CYTH1: variants seen among roughly 807,000 people sequenced by gnomAD.
CYTH1 encodes cytohesin 1.
Under a neutral mutation model 61.8 loss-of-function variants are expected in CYTH1, and 18 were observed. That is an observed-to-expected ratio of 0.29 (90% CI 0.20 to 0.43). The LOEUF is 0.43. CYTH1 is among the 20% of genes least tolerant of loss of function. The probability of loss-of-function intolerance (pLI) is 1.00; values close to 1 mark genes in which losing one functional copy is unlikely to be tolerated. For synonymous variants in CYTH1, 174 were observed against 184.3 expected, an observed-to-expected ratio of 0.94 and a Z score of 0.45; for missense variants, 336 against 510.5, an observed-to-expected ratio of 0.66 and a Z score of 3.29.
chr17:78,676,126 G>A lies in CYTH1; in HGVS notation c.1162C>T (p.Arg388Trp), dbSNP rs371956931. 8.7e-6 allele frequency: 14 copies of A among 1,611,172 alleles called. No individual in the cohort carries two copies. The highest frequency in any genetic ancestry group is 1.2e-5 in the Non-Finnish European group (14 of 1,178,964). Reference sequence around the variant, plus strand: ...TTCGTGGAGGAGACCTTCTTTTTCCGTGCTGCGAGCATTTCGTAGAAAGGG... The same window carrying A: ...TTCGTGGAGGAGACCTTCTTTTTCCATGCTGCGAGCATTTCGTAGAAAGGG... ...RDPFYEMLAARKKKVSSTKRH is the reference protein window; with the variant it reads ...RDPFYEMLAAWKKKVSSTKRH The change falls in exon 14 of 14, where the codon CGG becomes TGG. Residue 388 changes from arginine to tryptophan, a missense_variant. Coordinates refer to ENST00000446868, the MANE Select transcript of CYTH1 (RefSeq NM_004762.6).
At chr17:78,781,973 C>G (rs555645607) in intron 1 of CYTH1, among the ~76,000 whole-genome samples, 17 of 151,460 alleles carry the variant, frequency 1.1e-4, no homozygotes, top group South Asian at 4.2e-4. Flanking sequence ...CCACATCCCT[C>G]AGCGCCGCCA....
At chr17:78,698,990 A>G (rs751571554) in intron 7 of CYTH1, 22 bp from the exon 8 acceptor site, 26 of 1,606,946 alleles carry the variant, frequency 1.6e-5, no homozygotes, top group Non-Finnish European at 2.1e-5. Flanking sequence ...AGAAAAGCAA[A>G]GGGGAGCCGT....
chr17:78,680,612 C>T (rs954881120), intron 12 of CYTH1, among the ~76,000 whole-genome samples: 4 of 152,188 alleles, frequency 2.6e-5, no homozygotes, highest in African/African-American at 9.7e-5. Context: ...GCAGGTGACT[C>T]ACGACTTTAA....
chr17:78,720,301 C>T (rs900255735), intron 1 of CYTH1, among the ~76,000 whole-genome samples: 6 of 152,080 alleles, frequency 3.9e-5, no homozygotes, highest in Non-Finnish European at 8.8e-5. Context: ...ATAATACCCC[C>T]GGCACTTTGA....
intron 13 of CYTH1, chr17:78,676,427 C>A: frequency 2.0e-6 from 1 of 503,926 alleles, no homozygotes; most frequent in Non-Finnish European, 3.5e-6. Context: ...ATAATCAATT[C>A]ACATTTAGGA....
At chr17:78,766,087 G>GAAAAAAAAAAAAAAAAAAAAAAA in intron 1 of CYTH1, among the ~76,000 whole-genome samples, 1 of 65,682 alleles carries the variant, frequency 1.5e-5, no homozygotes, top group Non-Finnish European at 2.6e-5. Flanking sequence ...CATCTCTACA[G>GAAAAAAAAAAAAAAAAAAAAAAA]AAAAAAAAAA....
At chr17:78,714,702 T>TC (rs1365436665) in intron 1 of CYTH1, among the ~76,000 whole-genome samples, 1 of 152,018 alleles carries the variant, frequency 6.6e-6, no homozygotes, top group East Asian at 1.9e-4. Context: ...AAGCCAAGCC[T>TC]CCCTGCCCAC....
chr17:78,701,504 C>T (rs538332523), intron 6 of CYTH1, among the ~76,000 whole-genome samples, 167 bp downstream of exon 6: 165 of 152,298 alleles, frequency 1.1e-3, no homozygotes, highest in African/African-American at 3.9e-3. Flanking sequence ...CTTGACCATC[C>T]AGTCATTCCC....
At chr17:78,691,000 G>A (rs2092879484) in intron 11 of CYTH1, among the ~76,000 whole-genome samples, 1 of 152,218 alleles carries the variant, frequency 6.6e-6, no homozygotes, top group Non-Finnish European at 1.5e-5. Flanking sequence ...GCAGAAGGGT[G>A]AACAAAACAG....
At chr17:78,681,074 A>T (rs764534546) in intron 11 of CYTH1, 32 bp from the exon 12 acceptor site, 4 of 1,607,276 alleles carry the variant, frequency 2.5e-6, no homozygotes, top group Non-Finnish European at 3.4e-6. Flanking sequence ...GAAGTTTAAG[A>T]TCACAGTTTA....
chr17:78,680,955 C>T lies in CYTH1; in HGVS notation c.963+16G>A, dbSNP rs368611632. 2 of 1,613,356 alleles carry T rather than the reference C, an allele frequency of 1.2e-6. No homozygotes were observed. Among genetic ancestry groups the T allele is most frequent in the African/African-American group, 2.7e-5 (2 of 74,902 alleles). ...TCCCCTTTCTCCCCTCAAAATATCT[C>T]AGCAAAAATACTCACTGGTTTTTTG... On this transcript the variant is annotated intron_variant, in intron 12 of 13. Coordinates refer to ENST00000446868, the MANE Select transcript of CYTH1 (RefSeq NM_004762.6).
chr17:78,688,008 A>G (rs142548560), intron 11 of CYTH1, among the ~76,000 whole-genome samples: 2 of 152,314 alleles, frequency 1.3e-5, no homozygotes, highest in Non-Finnish European at 2.9e-5. Context: ...AACAGACCTG[A>G]GTTAGGCCAT....
chr17:78,769,756 C>T (rs1390267470), intron 1 of CYTH1, among the ~76,000 whole-genome samples: 1 of 152,184 alleles, frequency 6.6e-6, no homozygotes, highest in South Asian at 2.1e-4. Flanking sequence ...GTGGCTCACA[C>T]CTGTAATTCT....
At chr17:78,773,637 A>G (rs1175224041) in intron 1 of CYTH1, among the ~76,000 whole-genome samples, 4 of 152,074 alleles carry the variant, frequency 2.6e-5, no homozygotes, top group African/African-American at 9.6e-5. Context: ...TCAAAAAAAA[A>G]AAAAAAATTA....
At chr17:78,733,572 C>G (rs900942265) in intron 1 of CYTH1, among the ~76,000 whole-genome samples, 3 of 152,246 alleles carry the variant, frequency 2.0e-5, no homozygotes, top group Non-Finnish European at 4.4e-5. Context: ...AGTCCCTGGC[C>G]TGCACAGAAA....
At chr17:78,691,604 ATTTAC>A (rs2092886934) in intron 11 of CYTH1, 1 of 152,164 alleles carries the variant, frequency 6.6e-6, no homozygotes, top group African/African-American at 2.4e-5. Context: ...AACGGCCTTG[ATTTAC>A]TTTAAGACAA....
rs377102926 is a variant in CYTH1 at position 78,701,736 on chromosome 17, G to A, written c.372C>T (p.Ile124=). 6 of 1,614,038 alleles carry A rather than the reference G, an allele frequency of 3.7e-6. No individual in the cohort carries two copies. Among genetic ancestry groups the A allele is most frequent in the Admixed American group, 3.3e-5 (2 of 60,004 alleles). ...GCTCCACAAATGCATGAAGAACCTG[G>A]ATATTAAACTCATCTCTATCGAGAA... is the stretch of plus-strand genomic sequence containing the variant. ...DYLGERDEFN[I]QVLHAFVELH... The change falls in exon 6 of 14, where the codon ATC becomes ATT. Residue 124 remains isoleucine, a synonymous_variant. Coordinates refer to ENST00000446868, the MANE Select transcript of CYTH1 (RefSeq NM_004762.6).
intron 3 of CYTH1, among the ~76,000 whole-genome samples, chr17:78,705,167 T>C (rs2093052530): frequency 6.6e-6 from 1 of 152,152 alleles, no homozygotes; most frequent in Admixed American, 6.5e-5. Flanking sequence ...CTGGGAATGC[T>C]CAGCTTCCTG....
intron 1 of CYTH1, among the ~76,000 whole-genome samples, chr17:78,716,750 G>A (rs61626797): frequency 2.0e-5 from 3 of 151,984 alleles, no homozygotes; most frequent in Non-Finnish European, 2.9e-5. Context: ...ATGCTGCCCC[G>A]GACAGAAAAA....
Sources: allele counts gnomAD v4.1 joint callset (sites outside exome capture counted in the v4.1 genomes callset), GRCh38; gene constraint gnomAD v4.1.1; transcripts MANE v1.5; gene names NCBI Gene and HGNC (gene_info 2026-07-23, HGNC 2026-07-21).